Variants in SIDT1 observed in about 807,000 individuals in gnomAD.
The protein encoded by SIDT1 is SID1 transmembrane family member 1.
In SIDT1, 101 loss-of-function variants were observed where a neutral mutation model predicts 107.5. The ratio of observed to expected loss-of-function variants is 0.94; its 90% CI spans 0.80 to 1.11. The LOEUF is 1.11. Ranked by LOEUF, SIDT1 falls within the 50% of genes least tolerant of loss-of-function variation. The pLI is 0.00. For missense variants in SIDT1, 1,076 were observed against 1,058.2 expected (o/e 1.02, Z -0.23); for synonymous variants, 395 against 398.2 (o/e 0.99, Z 0.10).
intron 9 of SIDT1, among the ~76,000 whole-genome samples, chr3:113,591,192 G>A (rs1944123489): frequency 1.3e-5 from 2 of 151,560 alleles, no homozygotes; most frequent in Middle Eastern, 3.4e-3. Context: ...ATACTCCCCT[G>A]CAGCCTCCAG....
rs1199061448 is a variant in SIDT1 at position 113,542,936 on chromosome 3, G to GTGTT, written c.222+9711_222+9714dup. On this transcript the variant is annotated intron_variant, in intron 1 of 24. Coordinates refer to ENST00000264852, the MANE Select transcript of SIDT1 (RefSeq NM_017699.3). ...TGTGTGTGTGTGTGTGTGTGTGTGT[G>GTGTT]TGTTTGTTTGTTTGTTTGTTTTTCA... is the stretch of plus-strand genomic sequence containing the variant. Among the ~76,000 whole-genome samples the GTGTT allele has an allele frequency of 9.8e-4, 116 of 118,526 alleles. 1 individual carries two copies. The highest frequency in any genetic ancestry group is 2.7e-3 in the African/African-American group (86 of 31,566). 77.8% of individuals were successfully genotyped at this position (118,526 alleles called of 152,430 possible). A position where few individuals can be genotyped will look rare whatever the true frequency, so the allele number is the denominator to read the frequency against.
intron 8 of SIDT1, 80 bp from the exon 9 acceptor site, chr3:113,585,097 C>T: frequency 1.1e-6 from 1 of 946,772 alleles, no homozygotes; most frequent in Non-Finnish European, 1.7e-6. Context: ...ATGGAGGGGG[C>T]CCTTTAAGCC....
chr3:113,605,878 C>T (rs1201429585), intron 14 of SIDT1, among the ~76,000 whole-genome samples: 1 of 151,976 alleles, frequency 6.6e-6, no homozygotes, highest in East Asian at 1.9e-4. Context: ...GTGGCACACA[C>T]CTGTGGTCCC....
intron 1 of SIDT1, among the ~76,000 whole-genome samples, chr3:113,551,567 G>A (rs531937331): frequency 5.3e-5 from 8 of 152,234 alleles, no homozygotes; most frequent in East Asian, 1.9e-4. Context: ...TTTCACAGTC[G>A]TGTCTTTTGA....
chr3:113,591,605 G>T (rs1031465400), intron 9 of SIDT1, among the ~76,000 whole-genome samples: 1 of 152,252 alleles, frequency 6.6e-6, no homozygotes, highest in Admixed American at 6.5e-5. Flanking sequence ...TGAGGCAGGA[G>T]AATGGGGTGA....
At chr3:113,545,900 T>G (rs1253080915) in intron 1 of SIDT1, among the ~76,000 whole-genome samples, 1 of 152,252 alleles carries the variant, frequency 6.6e-6, no homozygotes, top group Non-Finnish European at 1.5e-5. Flanking sequence ...AAGTTTTCAT[T>G]AGTGGTTTCT....
In SIDT1 at chr3:113,584,695, C is replaced by T. The variant is rs1943607985; in HGVS notation, c.836-3C>T. On this transcript the variant is annotated splice_polypyrimidine_tract_variant and splice_region_variant and intron_variant, in intron 7 of 24. Coordinates refer to ENST00000264852, the MANE Select transcript of SIDT1 (RefSeq NM_017699.3). ...TGTTCTTTTTTTATTTTTTTTAAAC[C>T]AGAAAAGGAAAACCAGACCTGGAAT... 6.3e-7 allele frequency: 1 copy of T among 1,587,558 alleles called. No individual in the cohort carries two copies. The highest frequency in any genetic ancestry group is 1.4e-5 in the African/African-American group (1 of 72,820).
intron 3 of SIDT1, among the ~76,000 whole-genome samples, chr3:113,571,764 T>C (rs1942480141): frequency 6.6e-6 from 1 of 152,134 alleles, no homozygotes; most frequent in African/African-American, 2.4e-5. Context: ...TGAAACTCCG[T>C]CTCTACTAAA....
At chr3:113,617,767 T>A (rs1262951064) in intron 20 of SIDT1, among the ~76,000 whole-genome samples, 1 of 152,178 alleles carries the variant, frequency 6.6e-6, no homozygotes, top group Non-Finnish European at 1.5e-5. Context: ...AGACTTTATA[T>A]TTTTTTAGAG....
downstream of SIDT1, among the ~76,000 whole-genome samples, chr3:113,631,704 C>T (rs1947096407): frequency 6.6e-6 from 1 of 152,178 alleles, no homozygotes; most frequent in African/African-American, 2.4e-5. Flanking sequence ...AACACCAGAG[C>T]AAGAGAGTTT....
At chr3:113,534,077 G>GAGAGAGAA (rs1053347889) in intron 1 of SIDT1, among the ~76,000 whole-genome samples, 2 of 152,138 alleles carry the variant, frequency 1.3e-5, no homozygotes, top group Admixed American at 1.3e-4. Context: ...GAGGGAGACA[G>GAGAGAGAA]AGAGAGAAAG....
intron 1 of SIDT1, among the ~76,000 whole-genome samples, chr3:113,544,332 A>AG (rs903109810): frequency 1.3e-5 from 2 of 152,138 alleles, no homozygotes; most frequent in Non-Finnish European, 2.9e-5. Flanking sequence ...CTGGGACTAC[A>AG]GGCGCACACA....
At chr3:113,614,582 T>C (rs993091886) in intron 19 of SIDT1, among the ~76,000 whole-genome samples, 2 of 152,218 alleles carry the variant, frequency 1.3e-5, no homozygotes, top group African/African-American at 4.8e-5. Context: ...ATAAGTTGCC[T>C]TTGCTTTCTA....
chr3:113,540,668 A>C (rs1339777146), intron 1 of SIDT1, among the ~76,000 whole-genome samples: 1 of 152,236 alleles, frequency 6.6e-6, no homozygotes, highest in Non-Finnish European at 1.5e-5. Context: ...AACATGGGAT[A>C]TTCAAAGCAT....
chr3:113,591,932 A>G (rs1944187343), intron 9 of SIDT1, among the ~76,000 whole-genome samples: 1 of 152,248 alleles, frequency 6.6e-6, no homozygotes, highest in African/African-American at 2.4e-5. Context: ...AATGTGGTCT[A>G]TCCGTACAAT....
chr3:113,560,360 G>T (rs1941314309), intron 1 of SIDT1, among the ~76,000 whole-genome samples: 1 of 152,162 alleles, frequency 6.6e-6, no homozygotes, highest in African/African-American at 2.4e-5. Context: ...GCAGTTATTG[G>T]TGCTTTTTCC....
chr3:113,619,567 A>C, intron 20 of SIDT1, 113 bp from the exon 21 acceptor site: 1 of 906,318 alleles, frequency 1.1e-6, no homozygotes. Context: ...AACCACAGAA[A>C]ATTATTTTCA....
At chr3:113,627,019 A>T (rs902701825) in intron 24 of SIDT1, among the ~76,000 whole-genome samples, 3 of 152,200 alleles carry the variant, frequency 2.0e-5, no homozygotes, top group Non-Finnish European at 2.9e-5. Context: ...TACGTCTTTT[A>T]CTTTTGATCG....
rs1445586271 is a variant in SIDT1, at chr3:113,608,457, T to C, written c.1641T>C (p.Ala547=). 6.2e-7 allele frequency: 1 copy of C among 1,614,140 alleles called. No homozygotes were observed. The highest frequency in any genetic ancestry group is 8.5e-7 in the Non-Finnish European group (1 of 1,179,942). The stretch of plus-strand genomic sequence containing the variant: ...CCAAACACTTTGGTCTCTTCTACGC[T>C]ATGGGCATTGCATTGATGATGGAAG... ...GIPKHFGLFY[A]MGIALMMEGV... The change falls in exon 17 of 25, where the codon GCT becomes GCC. Residue 547 remains alanine, a synonymous_variant. Coordinates refer to ENST00000264852, the MANE Select transcript of SIDT1 (RefSeq NM_017699.3).
Sources: gnomAD v4.1 joint callset for allele counts (sites outside exome capture counted in the v4.1 genomes callset) on GRCh38, gnomAD v4.1.1 for gene constraint, MANE v1.5 for transcripts, NCBI Gene and HGNC (gene_info 2026-07-23, HGNC 2026-07-21) for gene names.